The following SRPK2 variants were observed in gnomAD, a reference collection of about 807,000 sequenced individuals.
SRPK2 encodes the protein SFRS protein kinase 2.
SRPK2 carries 21 observed loss-of-function variants against 90.8 expected under a neutral mutation model. The ratio of observed to expected loss-of-function variants is 0.23; its 90% CI spans 0.16 to 0.33. The LOEUF is 0.33. SRPK2 is among the 10% of genes least tolerant of loss of function. The pLI is 1.00. For synonymous variants in SRPK2, 288 were observed against 311.1 expected (o/e 0.93, Z 0.78); for missense variants, 620 against 869.0 (o/e 0.71, Z 3.60).
Position 105,193,062 on chromosome 7 carries a change from AC to A in SRPK2, c.229+10565del, listed in dbSNP as rs1235161324. ...AGTTTAATTAAGTTCCAGGTATTTA[AC>A]TTTGTTTTGATCACATTTGCATTTA... On this transcript the variant is annotated intron_variant, in intron 3 of 15. Coordinates refer to ENST00000393651, the MANE Select transcript of SRPK2 (RefSeq NM_182692.3). 3.3e-5 allele frequency among the ~76,000 whole-genome samples: 5 copies of A among 152,184 alleles called. No individual in the cohort carries two copies. The East Asian group carries it at 9.7e-4, about 29-fold the overall frequency.
At chr7:105,196,523 G>A (rs1794935639) in intron 3 of SRPK2, among the ~76,000 whole-genome samples, 5 of 152,298 alleles carry the variant, frequency 3.3e-5, no homozygotes, top group Admixed American at 3.3e-4. Context: ...ACCTTTAGCA[G>A]CATCCCTGGC....
intron 13 of SRPK2, among the ~76,000 whole-genome samples, chr7:105,128,310 G>T (rs768787704): frequency 6.6e-6 from 1 of 152,178 alleles, no homozygotes; most frequent in Admixed American, 6.5e-5. Flanking sequence ...AGCAAGACAC[G>T]GACATGTCAC....
intron 15 of SRPK2, among the ~76,000 whole-genome samples, chr7:105,125,483 T>C (rs78894828): frequency 0.014 from 2,131 of 152,324 alleles, 52 homozygotes; most frequent in African/African-American, 0.048. Context: ...AATGGAAAGA[T>C]AAGTCTAGCT....
At chr7:105,302,400 G>GTGC (rs1181372626) in intron 2 of SRPK2, among the ~76,000 whole-genome samples, 4 of 152,200 alleles carry the variant, frequency 2.6e-5, no homozygotes, top group African/African-American at 9.6e-5. Flanking sequence ...CCTGGTGGAT[G>GTGC]TGCTGTCTTT....
chr7:105,373,274 T>C (rs1249187068), intron 2 of SRPK2, among the ~76,000 whole-genome samples: 2 of 151,968 alleles, frequency 1.3e-5, no homozygotes, highest in Non-Finnish European at 2.9e-5. Flanking sequence ...CTGAAGGCCA[T>C]CAACGATAAA....
At chr7:105,131,618 C>A (rs1285769888) in intron 13 of SRPK2, among the ~76,000 whole-genome samples, 1 of 152,188 alleles carries the variant, frequency 6.6e-6, no homozygotes, top group Non-Finnish European at 1.5e-5. Flanking sequence ...AAAGCACCCT[C>A]TTTTTCTCCT....
chr7:105,253,131 T>C (rs1462310707), intron 2 of SRPK2, among the ~76,000 whole-genome samples: 1 of 152,204 alleles, frequency 6.6e-6, no homozygotes, highest in Non-Finnish European at 1.5e-5. Context: ...AACAGGTCAA[T>C]CACCTGTCTT....
chr7:105,160,554 T>A lies in SRPK2; in HGVS notation c.574A>T (p.Asn192Tyr). The A allele has an allele frequency of 6.2e-7, 1 of 1,613,952 alleles. No individual in the cohort carries two copies. Reference protein sequence around the residue: ...HHLLKWIIKSNYQGLPVRCVK... With the variant: ...HHLLKWIIKSYYQGLPVRCVK... ...CAACGTACTGGGAGGCCTTGATAGT[T>A]GGATTTGATGATCCACTTGAGGAGA... The change falls in exon 7 of 16, where the codon AAC (asparagine) becomes TAC (tyrosine). Residue 192 changes from asparagine to tyrosine, a missense_variant. By Grantham distance (143) the Asn-to-Tyr change is moderately radical. Coordinates refer to ENST00000393651, the MANE Select transcript of SRPK2 (RefSeq NM_182692.3).
intron 2 of SRPK2, among the ~76,000 whole-genome samples, chr7:105,226,550 C>T (rs548739214): frequency 6.6e-6 from 1 of 152,166 alleles, no homozygotes; most frequent in East Asian, 1.9e-4. Context: ...CCTCAGCTTC[C>T]CAAAGTGCTG....
chr7:105,232,458 TAAAAAAAAAAAAA>T (rs10533429), intron 2 of SRPK2, among the ~76,000 whole-genome samples: 1 of 132,064 alleles, frequency 7.6e-6, no homozygotes, highest in African/African-American at 2.8e-5. Flanking sequence ...AAACCTTATC[TAAAAAAAAAAAAA>T]AAAAAAAAAA....
intron 3 of SRPK2, among the ~76,000 whole-genome samples, chr7:105,195,975 T>C (rs1225717366): frequency 6.6e-6 from 1 of 152,220 alleles, no homozygotes; most frequent in East Asian, 1.9e-4. Context: ...GTTTCTCATT[T>C]ACCTCTATGT....
chr7:105,396,784 A>AG, intron 1 of SRPK2, among the ~76,000 whole-genome samples: 1 of 103,212 alleles, frequency 9.7e-6, no homozygotes, highest in South Asian at 3.4e-4. Context: ...AAGAGAGAGA[A>AG]AGAAAGAAAG....
At chr7:105,265,183 TAG>T (rs1386416629) in intron 2 of SRPK2, among the ~76,000 whole-genome samples, 4 of 152,112 alleles carry the variant, frequency 2.6e-5, no homozygotes, top group African/African-American at 9.7e-5. Flanking sequence ...AATAAATGAT[TAG>T]AGTCAGCCCT....
chr7:105,213,674 C>G (rs988687426), intron 2 of SRPK2, among the ~76,000 whole-genome samples: 8 of 152,100 alleles, frequency 5.3e-5, no homozygotes, highest in African/African-American at 1.9e-4. Flanking sequence ...GAAGAACAAG[C>G]AAACTAAAGA....
intron 2 of SRPK2, among the ~76,000 whole-genome samples, chr7:105,339,945 C>T (rs1244457505): frequency 6.6e-6 from 1 of 151,880 alleles, no homozygotes; most frequent in East Asian, 1.9e-4. Context: ...GTAGTCAAAG[C>T]TACTCGGGGG....
intron 2 of SRPK2, among the ~76,000 whole-genome samples, chr7:105,296,153 A>G (rs1281627655): frequency 1.3e-5 from 2 of 152,228 alleles, no homozygotes; most frequent in Non-Finnish European, 2.9e-5. Flanking sequence ...AAACTACTCC[A>G]CAAGTGCTTT....
At chr7:105,298,794 G>A (rs1810175330) in intron 2 of SRPK2, 3 of 985,440 alleles carry the variant, frequency 3.0e-6, no homozygotes, top group Non-Finnish European at 3.6e-6. Context: ...CCCACCTCCC[G>A]CTGTAAGGAG....
At chr7:105,225,874 T>C (rs1018441112) in intron 2 of SRPK2, among the ~76,000 whole-genome samples, 4 of 152,140 alleles carry the variant, frequency 2.6e-5, no homozygotes, top group African/African-American at 9.7e-5. Context: ...CATGTGGCTA[T>C]TTAAAGTAAA....
intron 2 of SRPK2, among the ~76,000 whole-genome samples, chr7:105,265,876 T>A (rs1804997311): frequency 6.6e-6 from 1 of 152,122 alleles, no homozygotes; most frequent in South Asian, 2.1e-4. Context: ...TTTTAAAAAA[T>A]TCATTCAATA....
Sources: allele counts gnomAD v4.1 joint callset (sites outside exome capture counted in the v4.1 genomes callset), GRCh38; gene constraint gnomAD v4.1.1; transcripts MANE v1.5; gene names NCBI Gene and HGNC (gene_info 2026-07-23, HGNC 2026-07-21).